LARP4B: variants seen among roughly 807,000 people sequenced by gnomAD.
The protein encoded by LARP4B is La ribonucleoprotein 4B.
A neutral mutation model predicts 89.8 loss-of-function variants in LARP4B; 12 were observed. The ratio of observed to expected loss-of-function variants is 0.13; its 90% CI spans 0.09 to 0.22. The LOEUF is 0.22. Ranked by LOEUF, LARP4B falls within the 10% of genes least tolerant of loss-of-function variation. The pLI, the probability that LARP4B is intolerant of heterozygous loss-of-function variation, is 1.00. For synonymous variants in LARP4B, 367 were observed against 363.3 expected (o/e 1.01, Z -0.12); for missense variants, 757 against 947.7 (o/e 0.80, Z 2.64).
At chr10:934,101 G>T (rs569493921), upstream of LARP4B, among the ~76,000 whole-genome samples, 26 of 151,948 alleles carry the variant, frequency 1.7e-4, no homozygotes, top group South Asian at 5.0e-3. Flanking sequence ...CTAAGTGCTG[G>T]GATTACAGGC....
chr10:954,582 C>T, the LARP4B span, among the ~76,000 whole-genome samples: 4 of 152,106 alleles, frequency 2.6e-5, no homozygotes, highest in African/African-American at 9.7e-5. The surrounding 1 kb of genome is among the most constrained non-coding windows in gnomAD (Gnocchi z 5.0). Flanking sequence ...GAGGAGGACA[C>T]AGCTGCTGCG....
At chr10:825,583 CAG>C (rs1429391558) in intron 12 of LARP4B, among the ~76,000 whole-genome samples, 179 bp downstream of exon 12, 2 of 152,360 alleles carry the variant, frequency 1.3e-5, no homozygotes, top group African/African-American at 2.4e-5. Context: ...AGCCTCCTCT[CAG>C]AGAATCTGAG....
At chr10:892,927 TA>T (rs1259354821) in intron 1 of LARP4B, among the ~76,000 whole-genome samples, 14 of 95,600 alleles carry the variant, frequency 1.5e-4, no homozygotes, top group Non-Finnish European at 3.0e-4. Context: ...TTTTTTTTTT[TA>T]AATACAGAGT....
At chr10:857,226 T>G (rs984902174) in intron 5 of LARP4B, among the ~76,000 whole-genome samples, 1 of 151,804 alleles carries the variant, frequency 6.6e-6, no homozygotes, top group Non-Finnish European at 1.5e-5. Flanking sequence ...TTAAAAGAAC[T>G]AGGATAAGAT....
intron 1 of LARP4B, among the ~76,000 whole-genome samples, chr10:906,524 A>G (rs1836497370): frequency 6.6e-6 from 1 of 152,216 alleles, no homozygotes; most frequent in South Asian, 2.1e-4. Context: ...ATCCACAGAC[A>G]GCGTTGATCC....
chr10:858,557 C>T (rs1053575683), intron 5 of LARP4B, among the ~76,000 whole-genome samples: 1 of 152,082 alleles, frequency 6.6e-6, no homozygotes, highest in African/African-American at 2.4e-5. Flanking sequence ...ACATTATGAA[C>T]ATTTTAAATT....
chr10:977,249 G>C, the LARP4B span, among the ~76,000 whole-genome samples: 1 of 152,132 alleles, frequency 6.6e-6, no homozygotes, highest in South Asian at 2.1e-4. Flanking sequence ...TACTTCCTGG[G>C]CTCAAATGAT....
chr10:832,360 C>G (rs1832955503), intron 8 of LARP4B, among the ~76,000 whole-genome samples: 1 of 151,948 alleles, frequency 6.6e-6, no homozygotes, highest in Admixed American at 6.6e-5. Flanking sequence ...TTTTAAAAGA[C>G]CAAAATCAAA....
intron 1 of LARP4B, among the ~76,000 whole-genome samples, chr10:918,118 G>A (rs1039516851): frequency 5.3e-5 from 8 of 152,120 alleles, no homozygotes; most frequent in African/African-American, 1.9e-4. Context: ...AAAGACTACA[G>A]AAGATTTAAC....
In LARP4B at chr10:869,947, AAT is replaced by A. The variant is rs1177520133; in HGVS notation, c.142-5679_142-5678del. 181 of 160,544 alleles carry A rather than the reference AAT, an allele frequency of 1.1e-3. 2 individuals carry two copies. The highest frequency in any genetic ancestry group is 6.9e-3 in the South Asian group (32 of 4,662). 9.9% of individuals were successfully genotyped at this position (160,544 alleles called of 1,614,324 possible). ...TAATAATAATAATAATAATAATAATAATAAATTAAAATGTATAGCCCAGCATA... is the reference window on the plus strand; with the variant it reads ...TAATAATAATAATAATAATAATAATAAAATTAAAATGTATAGCCCAGCATA... On this transcript the variant is annotated intron_variant, in intron 3 of 17. Transcript: ENST00000316157.
chr10:892,670 G>C (rs1836067205), intron 1 of LARP4B, among the ~76,000 whole-genome samples: 1 of 151,738 alleles, frequency 6.6e-6, no homozygotes, highest in Admixed American at 6.6e-5. Flanking sequence ...CTCCCGAGTA[G>C]CTGGGACTAC....
intron 1 of LARP4B, among the ~76,000 whole-genome samples, chr10:907,876 T>C (rs912982832): frequency 2.6e-5 from 4 of 152,306 alleles, no homozygotes; most frequent in African/African-American, 7.2e-5. Flanking sequence ...CAATGGCCAA[T>C]GATTTCAGCA....
chr10:836,605 A>C, intron 7 of LARP4B, 99 bp from the exon 8 acceptor site: 2 of 751,764 alleles, frequency 2.7e-6, no homozygotes, highest in Non-Finnish European at 4.3e-6. Flanking sequence ...TAAATAAGCT[A>C]AAGAAACCTG....
intron 1 of LARP4B, among the ~76,000 whole-genome samples, chr10:902,960 A>G (rs1836385729): frequency 6.6e-6 from 1 of 152,216 alleles, no homozygotes; most frequent in Admixed American, 6.5e-5. Context: ...TTTTTAATAC[A>G]GATGTTAAAT....
chr10:896,545 A>T lies in LARP4B; in HGVS notation c.-39-10785T>A, dbSNP rs79165975. 9.9e-5 allele frequency among the ~76,000 whole-genome samples: 15 copies of T among 152,270 alleles called. No homozygotes were observed. The East Asian group carries it at 2.9e-3, about 29-fold the overall frequency. On this transcript the variant is annotated intron_variant, in intron 1 of 17. Transcript: ENST00000316157. Reference sequence around the variant, plus strand: ...ACAATGCCACTCTTCCCACTGAATTATTTTTTGTTTTGGAAAATACTACTA... The same window carrying T: ...ACAATGCCACTCTTCCCACTGAATTTTTTTTTGTTTTGGAAAATACTACTA...
At chr10:862,708 C>G (rs1382937841) in intron 5 of LARP4B, among the ~76,000 whole-genome samples, 2 of 151,696 alleles carry the variant, frequency 1.3e-5, no homozygotes, top group Non-Finnish European at 2.9e-5. Flanking sequence ...TGCAGTGAGC[C>G]GATGTCTCAC....
chr10:833,376 T>C lies in LARP4B; in HGVS notation c.751-2399A>G, dbSNP rs1043027568. ...ATGCCGCCCACGGGCTGAAGAAGCA[T>C]GCCCTAAAGCACCACTAAAAAACAG... On this transcript the variant is annotated intron_variant, in intron 8 of 17. Coordinates refer to ENST00000316157, the MANE Select transcript of LARP4B (RefSeq NM_015155.3). Among the ~76,000 whole-genome samples, 29 of 145,170 alleles carry C rather than the reference T, an allele frequency of 2.0e-4. No homozygotes were observed. The Admixed American group carries it at 2.0e-3, about 10-fold the overall frequency.
At chr10:873,346 T>TG in intron 3 of LARP4B, 7 of 985,426 alleles carry the variant, frequency 7.1e-6, no homozygotes, top group Non-Finnish European at 8.4e-6. Context: ...GCATACTCCG[T>TG]GTGCCCAATT....
chr10:832,733 T>A (rs972395028), intron 8 of LARP4B, among the ~76,000 whole-genome samples: 2 of 151,984 alleles, frequency 1.3e-5, no homozygotes, highest in African/African-American at 4.8e-5. Flanking sequence ...ATACCTTTCA[T>A]AAATAAAGGT....
Sources: allele counts gnomAD v4.1 joint callset (sites outside exome capture counted in the v4.1 genomes callset), GRCh38; gene constraint gnomAD v4.1.1; non-coding constraint Gnocchi (gnomAD v3.1); transcripts MANE v1.5; gene names NCBI Gene and HGNC (gene_info 2026-07-23, HGNC 2026-07-21).